The following DROSHA variants were observed in gnomAD, a reference collection of about 807,000 sequenced individuals.
The protein encoded by DROSHA is drosha ribonuclease III, also known as ribonuclease 3.
A neutral mutation model predicts 181.9 loss-of-function variants in DROSHA; 56 were observed. The ratio of observed to expected loss-of-function variants is 0.31; its 90% CI spans 0.25 to 0.38. The LOEUF (loss-of-function observed/expected upper bound fraction) is 0.38. Ranked by LOEUF, DROSHA falls within the 10% of genes least tolerant of loss-of-function variation. The pLI is 1.00. For synonymous variants in DROSHA, 524 were observed against 591.2 expected, an observed-to-expected ratio of 0.89 and a Z score of 1.65; for missense variants, 1,218 against 1,743.5, an observed-to-expected ratio of 0.70 and a Z score of 5.37.
intron 3 of DROSHA, among the ~76,000 whole-genome samples, 159 bp from the exon 4 acceptor site, chr5:31,529,264 A>C (rs1410314775): frequency 1.3e-5 from 2 of 152,228 alleles, no homozygotes; most frequent in African/African-American, 4.8e-5. Flanking sequence ...AAAGTTTCCA[A>C]CTAAATTTTT....
At position 31,421,442 on chromosome 5, in the gene DROSHA, A is replaced by G. The variant is rs186683758; in HGVS notation, c.3420-65T>C. On this transcript the variant is annotated intron_variant, in intron 29 of 35. Transcript: ENST00000344624. ...TTTATGGATTTCCAAAAAAACACCC[A>G]GAATTTTAAAAAAGGAATGACTTAA... 3.1e-6 allele frequency: 4 copies of G among 1,299,726 alleles called. No individual in the cohort carries two copies. In the East Asian group the frequency reaches 9.3e-5, roughly 30 times the overall value. 80.5% of individuals were successfully genotyped at this position (1,299,726 alleles called of 1,614,324 possible).
intron 16 of DROSHA, among the ~76,000 whole-genome samples, chr5:31,474,687 TATG>T (rs1473748873): frequency 1.3e-5 from 2 of 152,024 alleles, no homozygotes; most frequent in Non-Finnish European, 2.9e-5. Context: ...TAACCCCCAG[TATG>T]ATGATATTAG....
rs191965094 is a variant in DROSHA at position 31,465,780 on chromosome 5, C to T, written c.2466+402G>A. Among the ~76,000 whole-genome samples, 105 of 152,198 alleles carry T rather than the reference C, an allele frequency of 6.9e-4. 1 individual carries two copies. Among genetic ancestry groups the T allele is most frequent in the Admixed American group, 6.8e-3 (104 of 15,288 alleles). On this transcript the variant is annotated intron_variant, in intron 19 of 35. Coordinates refer to ENST00000344624, the MANE Select transcript of DROSHA (RefSeq NM_001382508.1). ...ACCTCCCTCCTCCCTCTCTTCCTCCCTCTTCTGTCATATGACGTGCCTGCT... is the reference window on the plus strand; with the variant it reads ...ACCTCCCTCCTCCCTCTCTTCCTCCTTCTTCTGTCATATGACGTGCCTGCT...
intron 11 of DROSHA, among the ~76,000 whole-genome samples, chr5:31,497,602 T>C (rs770543963): frequency 6.6e-6 from 1 of 152,240 alleles, no homozygotes; most frequent in Non-Finnish European, 1.5e-5. Context: ...GAATAAAAAC[T>C]GCCAGTCCCA....
intron 16 of DROSHA, among the ~76,000 whole-genome samples, chr5:31,478,159 C>G (rs1428025653): frequency 6.6e-6 from 1 of 152,142 alleles, no homozygotes; most frequent in Non-Finnish European, 1.5e-5. Flanking sequence ...GTTCAAGAAA[C>G]ATGCAAATAG....
At chr5:31,481,318 C>A (rs915426560) in intron 16 of DROSHA, among the ~76,000 whole-genome samples, 15 of 152,116 alleles carry the variant, frequency 9.9e-5, no homozygotes, top group African/African-American at 3.6e-4. Context: ...TTCTTTATGA[C>A]AACCTAAATG....
At chr5:31,480,757 C>T (rs894539592) in intron 16 of DROSHA, among the ~76,000 whole-genome samples, 2 of 152,062 alleles carry the variant, frequency 1.3e-5, no homozygotes, top group African/African-American at 4.8e-5. Flanking sequence ...CTGCTATGTG[C>T]CATGAAGTAT....
intron 13 of DROSHA, among the ~76,000 whole-genome samples, chr5:31,490,742 C>A (rs1354126064): frequency 6.6e-6 from 1 of 152,162 alleles, no homozygotes; most frequent in Non-Finnish European, 1.5e-5. Flanking sequence ...AGCAATTTAA[C>A]AATTCTTTTC....
chr5:31,475,702 C>A (rs1750279190), intron 16 of DROSHA, among the ~76,000 whole-genome samples: 1 of 152,116 alleles, frequency 6.6e-6, no homozygotes, highest in Non-Finnish European at 1.5e-5. Flanking sequence ...ACTTTAAGGA[C>A]ACAATAGGGG....
intron 8 of DROSHA, among the ~76,000 whole-genome samples, chr5:31,513,905 A>T (rs1191904942): frequency 3.9e-5 from 6 of 152,210 alleles, no homozygotes; most frequent in African/African-American, 1.4e-4. Flanking sequence ...CCTAGGGGGA[A>T]GAGGGGAAGA....
intron 6 of DROSHA, among the ~76,000 whole-genome samples, chr5:31,517,408 T>C (rs1458175576): frequency 5.9e-5 from 9 of 152,210 alleles, no homozygotes; most frequent in Non-Finnish European, 4.4e-5. Context: ...AGATTTTATA[T>C]TTTCATCAGT....
intron 30 of DROSHA, among the ~76,000 whole-genome samples, chr5:31,420,683 T>C (rs566359681): frequency 1.3e-5 from 2 of 152,206 alleles, no homozygotes; most frequent in South Asian, 2.1e-4. Flanking sequence ...TGCCCTTGCA[T>C]AGACATTTCT....
intron 29 of DROSHA, chr5:31,421,902 T>TATATATATATATATATATATGCGCCATAA (rs1742747355): frequency 1.8e-5 from 1 of 56,816 alleles, no homozygotes; most frequent in Non-Finnish European, 2.7e-5. Context: ...AAAATATATA[T>TATATATATATATATATATATGCGCCATAA]ATATAAAAAT....
intron 13 of DROSHA, among the ~76,000 whole-genome samples, chr5:31,487,625 C>T (rs1300938734): frequency 6.6e-6 from 1 of 152,088 alleles, no homozygotes; most frequent in African/African-American, 2.4e-5. Flanking sequence ...TCATAAACCA[C>T]AGCAATCAGA....
chr5:31,401,397 G>A lies in DROSHA; in HGVS notation c.*35C>T. The stretch of plus-strand genomic sequence containing the variant: ...TCAATAGACAACAGTCACAGTTACT[G>A]AGCAAGTAAATACTCCACACTTGCA... On this transcript the variant is annotated 3_prime_UTR_variant, in exon 36 of 36. Transcript: ENST00000344624. 1.9e-6 allele frequency: 3 copies of A among 1,603,298 alleles called. No individual in the cohort carries two copies. Among genetic ancestry groups the A allele is most frequent in the Non-Finnish European group, 2.6e-6 (3 of 1,173,042 alleles).
At chr5:31,488,249 T>G (rs1199800685) in intron 13 of DROSHA, among the ~76,000 whole-genome samples, 1 of 151,836 alleles carries the variant, frequency 6.6e-6, no homozygotes, top group Non-Finnish European at 1.5e-5. Context: ...AAACCCCGTC[T>G]CTACTAAAAA....
intron 20 of DROSHA, among the ~76,000 whole-genome samples, chr5:31,452,692 T>C (rs1308425649): frequency 6.6e-6 from 1 of 152,218 alleles, no homozygotes; most frequent in Non-Finnish European, 1.5e-5. Context: ...TTAGTTATGT[T>C]ATTAACTTAT....
At chr5:31,513,526 A>G (rs1172690701) in intron 8 of DROSHA, among the ~76,000 whole-genome samples, 1 of 152,182 alleles carries the variant, frequency 6.6e-6, no homozygotes, top group Non-Finnish European at 1.5e-5. Flanking sequence ...ACAGTATGTG[A>G]GCTTTCCCTT....
chr5:31,455,374 TG>T (rs1284356171), intron 20 of DROSHA, among the ~76,000 whole-genome samples: 1 of 151,848 alleles, frequency 6.6e-6, no homozygotes, highest in Non-Finnish European at 1.5e-5. Context: ...AAATACAAGA[TG>T]CATATAAGTG....
Sources: allele counts gnomAD v4.1 joint callset (sites outside exome capture counted in the v4.1 genomes callset), GRCh38; gene constraint gnomAD v4.1.1; transcripts MANE v1.5; gene names NCBI Gene and HGNC (gene_info 2026-07-23, HGNC 2026-07-21).